The following RCAN2 variants were observed in gnomAD, a reference collection of about 807,000 sequenced individuals.
RCAN2 encodes the protein regulator of calcineurin 2.
In RCAN2, 9 loss-of-function variants were observed where a neutral mutation model predicts 23.6. The ratio of observed to expected loss-of-function variants is 0.38; its 90% CI spans 0.23 to 0.67. RCAN2 has a LOEUF of 0.67. Ranked by LOEUF, RCAN2 falls within the 30% of genes least tolerant of loss-of-function variation. The probability of loss-of-function intolerance (pLI) is 0.51; values close to 1 mark genes in which losing one functional copy is unlikely to be tolerated. For missense variants in RCAN2, 273 were observed against 302.3 expected, an observed-to-expected ratio of 0.90 and a Z score of 0.72; for synonymous variants, 109 against 115.7, an observed-to-expected ratio of 0.94 and a Z score of 0.37.
At chr6:46,366,942 A>G (rs1765185804) in intron 2 of RCAN2, among the ~76,000 whole-genome samples, 1 of 147,936 alleles carries the variant, frequency 6.8e-6, no homozygotes, top group East Asian at 2.0e-4. Context: ...ATACACAAAT[A>G]TATTTTTCCT....
At chr6:46,318,011 C>G (rs985157526) in intron 2 of RCAN2, among the ~76,000 whole-genome samples, 12 of 152,126 alleles carry the variant, frequency 7.9e-5, no homozygotes, top group Admixed American at 7.9e-4. Flanking sequence ...TGATTGGAAA[C>G]AGTAGTTGGA....
At chr6:46,460,063 T>A (rs1768165218) in intron 1 of RCAN2, among the ~76,000 whole-genome samples, 1 of 151,874 alleles carries the variant, frequency 6.6e-6, no homozygotes, top group Non-Finnish European at 1.5e-5. Context: ...GTTGTTTTTT[T>A]TTTCCACTTT....
chr6:46,246,877 G>A lies in RCAN2; in HGVS notation c.442C>T (p.Pro148Ser). Reference sequence around the variant, plus strand: ...AGAAACTGTTTGGCAGGCTGGGGTGGAGCCAAGTGCAGTTTGTCTCCATCT... The same window carrying A: ...AGAAACTGTTTGGCAGGCTGGGGTGAAGCCAAGTGCAGTTTGTCTCCATCT... The part of the protein sequence containing the change: ...ETDGDKLHLA[P>S]PQPAKQFLIS... Residue 148 changes from proline (P) to serine (S), a missense_variant, in exon 4 of 5, where the codon CCA (proline) becomes TCA (serine). Physicochemically the swap from Pro to Ser is moderately conservative, Grantham distance 74 (BLOSUM62 -1). Coordinates refer to ENST00000371374, the MANE Select transcript of RCAN2 (RefSeq NM_001251974.2). 2 of 1,604,934 alleles carry A rather than the reference G, an allele frequency of 1.2e-6. No homozygotes were observed. The highest frequency in any genetic ancestry group is 1.7e-6 in the Non-Finnish European group (2 of 1,174,782).
At chr6:46,291,793 G>A (rs1466873731) in intron 2 of RCAN2, among the ~76,000 whole-genome samples, 2 of 152,060 alleles carry the variant, frequency 1.3e-5, no homozygotes, top group African/African-American at 4.8e-5. Flanking sequence ...TGCAGTTTTT[G>A]TGGTGCCCTA....
intron 1 of RCAN2, among the ~76,000 whole-genome samples, chr6:46,490,264 T>C (rs1769102510): frequency 6.6e-6 from 1 of 152,198 alleles, no homozygotes; most frequent in South Asian, 2.1e-4. Flanking sequence ...TGTGGAAAAC[T>C]GTGGGAATGC....
intron 3 of RCAN2, 41 bp downstream of exon 3, chr6:46,248,682 T>A (rs899617794): frequency 6.8e-7 from 1 of 1,474,046 alleles, no homozygotes; most frequent in Non-Finnish European, 9.2e-7. Context: ...TAAAAAATAA[T>A]GTAGGGCAAA....
intron 2 of RCAN2, 132 bp downstream of exon 2, chr6:46,456,620 T>C: frequency 3.0e-6 from 2 of 659,326 alleles, no homozygotes; most frequent in Non-Finnish European, 5.4e-6. Context: ...CTTATCCTGG[T>C]ACACATGCCA....
intron 4 of RCAN2, among the ~76,000 whole-genome samples, chr6:46,233,721 C>CTTTTTTTT (rs1240948992): frequency 7.6e-6 from 1 of 130,768 alleles, no homozygotes. Context: ...AAGAACACTT[C>CTTTTTTTT]TTTTTTTTTT....
At chr6:46,463,599 T>C (rs961005572) in intron 1 of RCAN2, among the ~76,000 whole-genome samples, 3 of 152,088 alleles carry the variant, frequency 2.0e-5, no homozygotes, top group Non-Finnish European at 4.4e-5. Flanking sequence ...TGGAAAAAAA[T>C]ACATAAGAAA....
chr6:46,328,364 A>G (rs774850168), intron 2 of RCAN2, among the ~76,000 whole-genome samples: 5 of 152,272 alleles, frequency 3.3e-5, no homozygotes, highest in African/African-American at 4.8e-5. Context: ...TACATATTTT[A>G]ATAAGAGACA....
intron 2 of RCAN2, among the ~76,000 whole-genome samples, chr6:46,332,475 A>C (rs990065643): frequency 2.5e-5 from 3 of 121,036 alleles, no homozygotes; most frequent in African/African-American, 3.9e-5. Flanking sequence ...CCACCCCACA[A>C]CAGTCCCCAG....
At chr6:46,318,862 C>A (rs1763526121) in intron 2 of RCAN2, among the ~76,000 whole-genome samples, 1 of 152,076 alleles carries the variant, frequency 6.6e-6, no homozygotes, top group Admixed American at 6.6e-5. Flanking sequence ...ATATATCGAA[C>A]CTTTTCTAGG....
intron 2 of RCAN2, among the ~76,000 whole-genome samples, chr6:46,307,614 T>A (rs1478560598): frequency 6.6e-6 from 1 of 152,160 alleles, no homozygotes; most frequent in Non-Finnish European, 1.5e-5. Flanking sequence ...GATTCAGCAA[T>A]AAACAAAACA....
intron 2 of RCAN2, among the ~76,000 whole-genome samples, chr6:46,416,199 C>T (rs900097128): frequency 2.6e-5 from 4 of 151,558 alleles, no homozygotes; most frequent in East Asian, 1.9e-4. Flanking sequence ...AAGAATAAAT[C>T]GATTAAGTAA....
chr6:46,408,176 G>T (rs1334952476), intron 2 of RCAN2, among the ~76,000 whole-genome samples: 2 of 152,188 alleles, frequency 1.3e-5, no homozygotes, highest in Non-Finnish European at 2.9e-5. Flanking sequence ...GCCTTTTAAA[G>T]TCCTTCGACA....
chr6:46,402,217 T>G lies in RCAN2; in HGVS notation c.225+54535A>C, dbSNP rs532119635. 2.6e-5 allele frequency among the ~76,000 whole-genome samples: 4 copies of G among 152,192 alleles called. No individual in the cohort carries two copies. In the East Asian group the frequency reaches 7.7e-4, roughly 29 times the overall value. Reference sequence around the variant, plus strand: ...CGGCATGGAGTCACTGGGCACTTATTATGTGCTGTGTAAAAATTTGTGTGT... The same window carrying G: ...CGGCATGGAGTCACTGGGCACTTATGATGTGCTGTGTAAAAATTTGTGTGT... On this transcript the variant is annotated intron_variant, in intron 2 of 4. Coordinates refer to ENST00000371374, the MANE Select transcript of RCAN2 (RefSeq NM_001251974.2).
chr6:46,262,488 G>T (rs1288710454), intron 2 of RCAN2, among the ~76,000 whole-genome samples: 1 of 152,084 alleles, frequency 6.6e-6, no homozygotes, highest in Non-Finnish European at 1.5e-5. Flanking sequence ...GGATGCAGTA[G>T]CTCATGCTTG....
chr6:46,329,046 C>T (rs1763881188), intron 2 of RCAN2, among the ~76,000 whole-genome samples: 1 of 152,168 alleles, frequency 6.6e-6, no homozygotes, highest in Non-Finnish European at 1.5e-5. Context: ...TCATATCATT[C>T]TCACCTTTCT....
At chr6:46,327,316 G>T (rs1186706593) in intron 2 of RCAN2, among the ~76,000 whole-genome samples, 2 of 151,416 alleles carry the variant, frequency 1.3e-5, no homozygotes, top group South Asian at 2.1e-4. Flanking sequence ...GGAAATTTCT[G>T]CTCTGACCTT....
Sources: allele counts gnomAD v4.1 joint callset (sites outside exome capture counted in the v4.1 genomes callset), GRCh38; gene constraint gnomAD v4.1.1; transcripts MANE v1.5; gene names NCBI Gene and HGNC (gene_info 2026-07-23, HGNC 2026-07-21).